Variants in ALDH4A1 observed in about 807,000 individuals in gnomAD.
ALDH4A1 encodes the protein delta-1-pyrroline-5-carboxylate dehydrogenase, mitochondrial.
Under a neutral mutation model 70.5 loss-of-function variants are expected in ALDH4A1, and 46 were observed. That is an observed-to-expected ratio of 0.65 (90% CI 0.51 to 0.83). The LOEUF (loss-of-function observed/expected upper bound fraction) is 0.83. Ranked by LOEUF, ALDH4A1 falls within the 40% of genes least tolerant of loss-of-function variation. ALDH4A1 has a pLI of 0.00. For synonymous variants in ALDH4A1, 323 were observed against 324.3 expected, an observed-to-expected ratio of 1.00 and a Z score of 0.04; for missense variants, 749 against 766.5, an observed-to-expected ratio of 0.98 and a Z score of 0.27.
chr1:18,886,071 G>A (rs1016905938), intron 4 of ALDH4A1, among the ~76,000 whole-genome samples: 2 of 152,020 alleles, frequency 1.3e-5, no homozygotes, highest in African/African-American at 4.8e-5. Flanking sequence ...TGGACCCCCA[G>A]CCACCCCAGC....
chr1:18,884,669 A>G (rs113232075), intron 5 of ALDH4A1, among the ~76,000 whole-genome samples: 2,432 of 152,326 alleles, frequency 0.016, 22 homozygotes, highest in South Asian at 0.045. Flanking sequence ...CTATGTCCAA[A>G]AAGCTTGTAA....
At chr1:18,873,438 C>A (rs1934532661) in intron 14 of ALDH4A1, among the ~76,000 whole-genome samples, 1 of 152,142 alleles carries the variant, frequency 6.6e-6, no homozygotes, top group East Asian at 1.9e-4. Flanking sequence ...AGGGCTCTTG[C>A]AGGATGGCAC....
Position 18,902,448 on chromosome 1 carries a change from C to T in ALDH4A1, c.62+14G>A. 1.5e-6 allele frequency: 2 copies of T among 1,358,440 alleles called. No individual in the cohort carries two copies. Among genetic ancestry groups the T allele is most frequent in the Non-Finnish European group, 9.5e-7 (1 of 1,057,526 alleles). 84.1% of individuals were successfully genotyped at this position (1,358,440 alleles called of 1,614,324 possible). On this transcript the variant is annotated intron_variant, in intron 1 of 14. Coordinates refer to ENST00000375341, the MANE Select transcript of ALDH4A1 (RefSeq NM_003748.4). The stretch of plus-strand genomic sequence containing the variant: ...GCGCGCGCTCGGGCCGCCCCGGGCC[C>T]CGTGCTCACTCACCCGGCCCCGGTC...
rs1217633224 is a variant in ALDH4A1, at chr1:18,898,725, G to A, written c.62+3737C>T. On this transcript the variant is annotated intron_variant, in intron 1 of 14. Transcript: ENST00000375341. The surrounding 1 kb of genome is among the most constrained non-coding windows in gnomAD (Gnocchi z 4.3). ...CGGGGCCACAGAGCTGCCAAGAGTT[G>A]GAGCCAGGATCCAAGCCATGCTGTG... 6.6e-6 allele frequency among the ~76,000 whole-genome samples: 1 copy of A among 152,190 alleles called. No individual in the cohort carries two copies. Among genetic ancestry groups the A allele is most frequent in the East Asian group, 1.9e-4 (1 of 5,184 alleles).
chr1:18,881,768 C>T lies in ALDH4A1; in HGVS notation c.798G>A (p.Gly266=), dbSNP rs1337165991. 6.2e-7 allele frequency: 1 copy of T among 1,613,956 alleles called. No individual in the cohort carries two copies. The highest frequency in any genetic ancestry group is 8.5e-7 in the Non-Finnish European group (1 of 1,180,042). ...PNIIQFVPAD[G]PLFGDTVTSS... Reference sequence around the variant, plus strand: ...TGGTGACAGTGTCCCCAAATAGGGGCCCATCAGCTGGCACAAACTGGATGA... The same window carrying T: ...TGGTGACAGTGTCCCCAAATAGGGGTCCATCAGCTGGCACAAACTGGATGA... Residue 266 remains glycine, a synonymous_variant, in exon 8 of 15, where the codon GGG becomes GGA. Coordinates refer to ENST00000375341, the MANE Select transcript of ALDH4A1 (RefSeq NM_003748.4).
chr1:18,895,256 A>G (rs1935578612), intron 1 of ALDH4A1, among the ~76,000 whole-genome samples: 1 of 152,250 alleles, frequency 6.6e-6, no homozygotes, highest in African/African-American at 2.4e-5. Context: ...AATCTGACTC[A>G]GGTTTCCCTG....
intron 3 of ALDH4A1, among the ~76,000 whole-genome samples, chr1:18,888,514 C>T (rs998176536): frequency 6.6e-5 from 10 of 152,230 alleles, no homozygotes; most frequent in African/African-American, 1.4e-4. Flanking sequence ...ATCAGAATGC[C>T]GGAGCCTCGC....
At chr1:18,890,256 C>G in intron 1 of ALDH4A1, 151 bp from the exon 2 acceptor site, 1 of 667,034 alleles carries the variant, frequency 1.5e-6, no homozygotes, top group Non-Finnish European at 2.6e-6. Flanking sequence ...AAAACCCCAC[C>G]TTGGGCTGGG....
chr1:18,892,521 G>A (rs989741077), intron 1 of ALDH4A1, among the ~76,000 whole-genome samples: 3 of 151,582 alleles, frequency 2.0e-5, no homozygotes, highest in Non-Finnish European at 4.4e-5. Context: ...AAGGAGGCTT[G>A]AGAGGAGCTG....
chr1:18,886,378 C>G, intron 4 of ALDH4A1, 86 bp downstream of exon 4: 1 of 1,491,956 alleles, frequency 6.7e-7, no homozygotes, highest in South Asian at 1.1e-5. Context: ...ACTGATGCCC[C>G]CTGCCCCCGC....
At chr1:18,882,092 A>C (rs1248032185) in intron 7 of ALDH4A1, among the ~76,000 whole-genome samples, 1 of 152,178 alleles carries the variant, frequency 6.6e-6, no homozygotes, top group Non-Finnish European at 1.5e-5. Flanking sequence ...GGCACAGCCC[A>C]ATCTGCCCCA....
At position 18,876,368 on chromosome 1, in the gene ALDH4A1, C is replaced by T; in HGVS notation, c.1285G>A (p.Val429Met). 1.2e-6 allele frequency: 2 copies of T among 1,613,924 alleles called. No homozygotes were observed. The highest frequency in any genetic ancestry group is 2.2e-5 in the South Asian group (2 of 91,078). Residue 429 changes from valine (V) to methionine (M), a missense_variant, in exon 12 of 15, where the codon GTG (valine) becomes ATG (methionine). Coordinates refer to ENST00000375341, the MANE Select transcript of ALDH4A1 (RefSeq NM_003748.4). ...TTGCTCTCCACGATGCAGGGCTCCACAAAGTAGCCCACGGAGTCATCACAC... is the reference window on the plus strand; with the variant it reads ...TTGCTCTCCACGATGCAGGGCTCCATAAAGTAGCCCACGGAGTCATCACAC... ...GKCDDSVGYF[V>M]EPCIVESKDP... is the part of the protein sequence containing the mutation.
At chr1:18,893,066 T>C (rs960571407) in intron 1 of ALDH4A1, among the ~76,000 whole-genome samples, 1 of 152,130 alleles carries the variant, frequency 6.6e-6, no homozygotes, top group Non-Finnish European at 1.5e-5. Context: ...GTGAGCCAGA[T>C]ATCACCATCA....
At chr1:18,877,345 G>A (rs1557612126) in intron 10 of ALDH4A1, 71 bp downstream of exon 10, 1 of 1,554,244 alleles carries the variant, frequency 6.4e-7, no homozygotes, top group East Asian at 2.4e-5. Flanking sequence ...CCCGGCTGCA[G>A]AGGAGCCTCC....
At chr1:18,876,062 T>C (rs1363404455) in intron 12 of ALDH4A1, among the ~76,000 whole-genome samples, 1 of 152,208 alleles carries the variant, frequency 6.6e-6, no homozygotes, top group Non-Finnish European at 1.5e-5. Flanking sequence ...ATGGCTGCAG[T>C]GGACGTGGTT....
intron 12 of ALDH4A1, 123 bp from the exon 13 acceptor site, chr1:18,875,626 T>A: frequency 6.7e-7 from 1 of 1,500,958 alleles, no homozygotes; most frequent in Non-Finnish European, 9.2e-7. Flanking sequence ...TACACTTCAG[T>A]GTCTGCAAGA....
rs777379037 is a variant in ALDH4A1 at position 18,872,962 on chromosome 1, G to A, written c.1580-5C>T. ...CCCCTGGCTTGTCATTGGTTCCTGC[G>A]GAAAAGACACTTCTGTTTTTCTCTG... On this transcript the variant is annotated splice_polypyrimidine_tract_variant and splice_region_variant and intron_variant, in intron 14 of 14. Coordinates refer to ENST00000375341, the MANE Select transcript of ALDH4A1 (RefSeq NM_003748.4). The A allele has an allele frequency of 8.7e-6, 14 of 1,612,174 alleles. No homozygotes were observed. The highest frequency in any genetic ancestry group is 2.2e-5 in the East Asian group (1 of 44,872).
chr1:18,894,703 C>T (rs1216467544), intron 1 of ALDH4A1, among the ~76,000 whole-genome samples: 4 of 152,164 alleles, frequency 2.6e-5, no homozygotes, highest in African/African-American at 7.2e-5. Flanking sequence ...ACGGCTTTCC[C>T]TGTGCCTGGA....
chr1:18,881,209 C>A (rs535985225), intron 8 of ALDH4A1, among the ~76,000 whole-genome samples: 1 of 152,250 alleles, frequency 6.6e-6, no homozygotes, highest in South Asian at 2.1e-4. Flanking sequence ...TCCTGCCATG[C>A]CCCAGAGCAC....
Sources: allele counts gnomAD v4.1 joint callset (sites outside exome capture counted in the v4.1 genomes callset), GRCh38; gene constraint gnomAD v4.1.1; non-coding constraint Gnocchi (gnomAD v3.1); transcripts MANE v1.5; gene names NCBI Gene and HGNC (gene_info 2026-07-23, HGNC 2026-07-21).